Variants in TENM3 observed in about 807,000 individuals in gnomAD.
TENM3 encodes the protein teneurin-3.
Under a neutral mutation model 255.1 loss-of-function variants are expected in TENM3, and 63 were observed. That is an observed-to-expected ratio of 0.25 (90% CI 0.20 to 0.30). The LOEUF is 0.30. TENM3 is among the 10% of genes least tolerant of loss of function. The pLI is 1.00. For synonymous variants in TENM3, 1,306 were observed against 1,322.3 expected (o/e 0.99, Z 0.27); for missense variants, 2,929 against 3,461.1 (o/e 0.85, Z 3.86).
chr4:181,624,230 G>A, the TENM3 span, among the ~76,000 whole-genome samples: 4 of 152,168 alleles, frequency 2.6e-5, no homozygotes, highest in Admixed American at 6.5e-5. Context: ...ACTTGTCCTC[G>A]CTCCAGAATA....
chr4:181,947,818 T>C, the TENM3 span, among the ~76,000 whole-genome samples: 1 of 152,120 alleles, frequency 6.6e-6, no homozygotes, highest in South Asian at 2.1e-4. Context: ...GTAAAATGAA[T>C]CTGTTCGGAT....
the TENM3 span, among the ~76,000 whole-genome samples, chr4:182,051,315 C>T: frequency 6.6e-6 from 1 of 151,012 alleles, no homozygotes; most frequent in East Asian, 2.0e-4. Context: ...TGCACTCCAG[C>T]CTGGGCGACA....
chr4:182,481,654 G>C (rs1287877100), intron 3 of TENM3, among the ~76,000 whole-genome samples: 1 of 152,084 alleles, frequency 6.6e-6, no homozygotes, highest in East Asian at 1.9e-4. Context: ...AATTAGCCAG[G>C]CATGGCTGTG....
At chr4:181,538,068 T>G in the TENM3 span, among the ~76,000 whole-genome samples, 1 of 152,166 alleles carries the variant, frequency 6.6e-6, no homozygotes, top group South Asian at 2.1e-4. Context: ...AAATCAAAAT[T>G]TATTGGCACA....
the TENM3 span, among the ~76,000 whole-genome samples, chr4:181,833,034 A>G: frequency 1.3e-5 from 2 of 152,252 alleles, no homozygotes; most frequent in African/African-American, 4.8e-5. Flanking sequence ...AAACAAACTC[A>G]GTAACATATT....
chr4:181,907,636 C>G, the TENM3 span, among the ~76,000 whole-genome samples: 1 of 151,948 alleles, frequency 6.6e-6, no homozygotes, highest in East Asian at 1.9e-4. Context: ...GGAGATACAT[C>G]CTAAGGAAGG....
the TENM3 span, among the ~76,000 whole-genome samples, chr4:181,495,902 T>TAAAAAAAAAAAAA: frequency 1.7e-5 from 2 of 116,848 alleles, no homozygotes; most frequent in Non-Finnish European, 3.4e-5. Context: ...AGAGACAAAT[T>TAAAAAAAAAAAAA]AAAAAAAAAA....
chr4:181,771,293 TG>T, the TENM3 span, among the ~76,000 whole-genome samples: 1 of 152,276 alleles, frequency 6.6e-6, no homozygotes, highest in South Asian at 2.1e-4. Flanking sequence ...CTTGTACAAA[TG>T]GAGGGTATAA....
At chr4:181,526,419 C>T in the TENM3 span, among the ~76,000 whole-genome samples, 4 of 152,242 alleles carry the variant, frequency 2.6e-5, no homozygotes, top group South Asian at 8.3e-4. Flanking sequence ...ATAAATTTCA[C>T]TTCACTGTAT....
rs532508235 is a variant in TENM3, at chr4:182,347,109, A to T, written c.511+180A>T. On this transcript the variant is annotated intron_variant, in intron 3 of 27. Coordinates refer to ENST00000511685, the MANE Select transcript of TENM3 (RefSeq NM_001080477.4). ...CTCAAGAAATGTCCTTGAATAATGC[A>T]TTTTTTCCTGGAAAAAAAAATCAAT... Among the ~76,000 whole-genome samples the T allele has an allele frequency of 2.7e-5, 4 of 150,846 alleles. 1 individual carries two copies. In the South Asian group the frequency reaches 8.4e-4, roughly 32 times the overall value.
chr4:182,469,575 A>G (rs1732918435), intron 3 of TENM3, among the ~76,000 whole-genome samples: 1 of 152,076 alleles, frequency 6.6e-6, no homozygotes, highest in South Asian at 2.1e-4. Flanking sequence ...TGAGCCGGGC[A>G]TGGTGGCGCT....
At chr4:182,501,572 T>G (rs1026447535) in intron 3 of TENM3, among the ~76,000 whole-genome samples, 1 of 152,164 alleles carries the variant, frequency 6.6e-6, no homozygotes, top group Non-Finnish European at 1.5e-5. Flanking sequence ...AAGAATGTAC[T>G]GTCACCCCAT....
the TENM3 span, among the ~76,000 whole-genome samples, chr4:181,486,742 G>A: frequency 1.4e-4 from 21 of 152,170 alleles, 1 homozygote; most frequent in East Asian, 2.3e-3. Context: ...ATAAAAATTC[G>A]TTCTAGGTTA....
chr4:182,630,987 G>A (rs752557821), intron 5 of TENM3, among the ~76,000 whole-genome samples: 9 of 152,058 alleles, frequency 5.9e-5, no homozygotes, highest in Non-Finnish European at 1.3e-4. Context: ...ATCAGTCACT[G>A]TTACCTGTGA....
intron 1 of TENM3, among the ~76,000 whole-genome samples, chr4:182,149,224 A>G (rs1750168534): frequency 6.6e-6 from 1 of 151,982 alleles, no homozygotes; most frequent in Non-Finnish European, 1.5e-5. Context: ...TGCTAAAATA[A>G]TGCAGTTAAA....
chr4:182,143,843 C>T (rs964662240), upstream of TENM3: 5 of 152,502 alleles, frequency 3.3e-5, no homozygotes, highest in African/African-American at 1.2e-4. The surrounding 1 kb of genome is among the most constrained non-coding windows in gnomAD (Gnocchi z 4.3). Flanking sequence ...CACGGATGAC[C>T]CCTAAATCAC....
chr4:182,212,493 T>G (rs1213131621), intron 1 of TENM3, among the ~76,000 whole-genome samples: 1 of 151,172 alleles, frequency 6.6e-6, no homozygotes, highest in Non-Finnish European at 1.5e-5. Context: ...AGGTCAGTGA[T>G]TGGAGGCTGT....
the TENM3 span, among the ~76,000 whole-genome samples, chr4:181,659,252 T>C: frequency 1.3e-5 from 2 of 152,190 alleles, no homozygotes; most frequent in African/African-American, 4.8e-5. Context: ...GTTGTTATTG[T>C]TATCCTATAA....
chr4:182,498,241 T>G (rs1044186578), intron 3 of TENM3, among the ~76,000 whole-genome samples: 2 of 152,196 alleles, frequency 1.3e-5, no homozygotes, highest in African/African-American at 2.4e-5. Context: ...TCGTAATTTC[T>G]TTAACACCTA....
Sources: gnomAD v4.1 joint callset for allele counts (sites outside exome capture counted in the v4.1 genomes callset) on GRCh38, gnomAD v4.1.1 for gene constraint, Gnocchi (gnomAD v3.1) non-coding constraint, MANE v1.5 for transcripts, NCBI Gene and HGNC (gene_info 2026-07-23, HGNC 2026-07-21) for gene names.